GRIA4: variants seen among roughly 807,000 people sequenced by gnomAD.
GRIA4 encodes the protein glutamate ionotropic receptor AMPA type subunit 4, also known as glutamate receptor 4.
A neutral mutation model predicts 104.0 loss-of-function variants in GRIA4; 34 were observed. The observed-to-expected ratio is 0.33, with a 90% confidence interval of 0.25 to 0.44. The LOEUF is 0.44. Among genes scored for constraint, GRIA4 ranks in the 20% least tolerant of loss-of-function variants. The probability of loss-of-function intolerance (pLI) is 1.00; values close to 1 mark genes in which losing one functional copy is unlikely to be tolerated. For missense variants in GRIA4, 750 were observed against 1,096.5 expected (o/e 0.68, Z 4.46); for synonymous variants, 386 against 381.9 (o/e 1.01, Z -0.13).
chr11:105,686,919 T>C (rs1952901376), intron 3 of GRIA4, among the ~76,000 whole-genome samples: 1 of 152,174 alleles, frequency 6.6e-6, no homozygotes, highest in Non-Finnish European at 1.5e-5. Context: ...TTTAATGGAG[T>C]TATTTATTGA....
chr11:105,856,617 C>T (rs1023431116), intron 4 of GRIA4, among the ~76,000 whole-genome samples: 4 of 152,074 alleles, frequency 2.6e-5, no homozygotes, highest in Non-Finnish European at 5.9e-5. Flanking sequence ...TTCTGACTGT[C>T]CATAGGTCCA....
intron 5 of GRIA4, among the ~76,000 whole-genome samples, chr11:105,878,578 C>G (rs555150198): frequency 6.6e-6 from 1 of 152,368 alleles, no homozygotes; most frequent in East Asian, 1.9e-4. Context: ...AAGCTCATGA[C>G]TGGCACTGCT....
chr11:105,725,775 C>T (rs1311877456), intron 3 of GRIA4, among the ~76,000 whole-genome samples: 1 of 152,094 alleles, frequency 6.6e-6, no homozygotes, highest in African/African-American at 2.4e-5. Flanking sequence ...CATCACCTCA[C>T]CCGGGAAGCA....
At chr11:105,891,018 A>T (rs941378742) in intron 6 of GRIA4, among the ~76,000 whole-genome samples, 1 of 152,220 alleles carries the variant, frequency 6.6e-6, no homozygotes, top group Non-Finnish European at 1.5e-5. Flanking sequence ...TTCCCAGAGA[A>T]GTAGAGGCAG....
At chr11:105,768,885 AT>A (rs1317937843) in intron 4 of GRIA4, among the ~76,000 whole-genome samples, 2 of 152,122 alleles carry the variant, frequency 1.3e-5, no homozygotes, top group Non-Finnish European at 2.9e-5. Context: ...AAGACCCCAT[AT>A]CAGATTTGAG....
At chr11:105,684,017 G>C (rs1233114376) in intron 3 of GRIA4, among the ~76,000 whole-genome samples, 3 of 151,986 alleles carry the variant, frequency 2.0e-5, no homozygotes, top group African/African-American at 4.8e-5. Context: ...TGGGATTACA[G>C]GCATGCACCA....
At position 105,714,173 on chromosome 11, in the gene GRIA4, TTGA is replaced by T. The variant is rs1447676410; in HGVS notation, c.248-38802_248-38800del. ...AATTAATGGTTTTGCTTCTCAAAAC[TTGA>T]TGATGTCAAGACTGTTTAGTAATTT... is the stretch of plus-strand genomic sequence containing the variant. On this transcript the variant is annotated intron_variant, in intron 3 of 16. Coordinates refer to ENST00000282499, the MANE Select transcript of GRIA4 (RefSeq NM_000829.4). Among the ~76,000 whole-genome samples, 9 of 152,228 alleles carry T rather than the reference TTGA, an allele frequency of 5.9e-5. No homozygotes were observed. The South Asian group carries it at 1.5e-3, about 25-fold the overall frequency.
Position 105,641,921 on chromosome 11 carries a change from T to C in GRIA4, c.247+29487T>C, listed in dbSNP as rs1951371973. 2.0e-5 allele frequency among the ~76,000 whole-genome samples: 3 copies of C among 152,160 alleles called. No individual in the cohort carries two copies. In the South Asian group the frequency reaches 6.2e-4, roughly 32 times the overall value. The stretch of plus-strand genomic sequence containing the variant: ...AACAGAAATTTATTTTCCACAATTC[T>C]GGAGGCCGAAAGTCTGAGATCAAGG... On this transcript the variant is annotated intron_variant, in intron 3 of 16. Coordinates refer to ENST00000282499, the MANE Select transcript of GRIA4 (RefSeq NM_000829.4).
intron 6 of GRIA4, among the ~76,000 whole-genome samples, chr11:105,896,004 T>C (rs1483551540): frequency 6.6e-6 from 1 of 152,234 alleles, no homozygotes; most frequent in Non-Finnish European, 1.5e-5. Flanking sequence ...CTCCATACTG[T>C]TTTCCATAGG....
chr11:105,908,275 G>A (rs1947113407), intron 9 of GRIA4, among the ~76,000 whole-genome samples: 1 of 152,164 alleles, frequency 6.6e-6, no homozygotes, highest in South Asian at 2.1e-4. Context: ...TGATTTAAAT[G>A]CTTCCATATT....
intron 3 of GRIA4, among the ~76,000 whole-genome samples, chr11:105,712,533 G>C (rs1192068598): frequency 6.6e-6 from 1 of 151,954 alleles, no homozygotes; most frequent in Non-Finnish European, 1.5e-5. Flanking sequence ...CCAAATAAAT[G>C]AAAATTGCAA....
At chr11:105,777,060 C>T (rs943927661) in intron 4 of GRIA4, among the ~76,000 whole-genome samples, 2 of 152,034 alleles carry the variant, frequency 1.3e-5, no homozygotes, top group African/African-American at 4.8e-5. Flanking sequence ...AGCACATAAA[C>T]ACACACACAC....
chr11:105,728,123 G>C (rs1387410696), intron 3 of GRIA4, among the ~76,000 whole-genome samples: 1 of 152,186 alleles, frequency 6.6e-6, no homozygotes, highest in African/African-American at 2.4e-5. Context: ...CTGTATTCAG[G>C]AGACCCATGT....
intron 3 of GRIA4, among the ~76,000 whole-genome samples, chr11:105,655,604 T>A (rs1951820645): frequency 1.3e-5 from 2 of 152,086 alleles, no homozygotes; most frequent in African/African-American, 4.8e-5. Context: ...TATTCCTGTG[T>A]TAGTTTGCTG....
chr11:105,659,773 G>T (rs1449235451), intron 3 of GRIA4, among the ~76,000 whole-genome samples: 1 of 151,710 alleles, frequency 6.6e-6, no homozygotes, highest in Non-Finnish European at 1.5e-5. Context: ...GTAGACACCA[G>T]ACTTTTCAGG....
At position 105,921,129 on chromosome 11, in the gene GRIA4, G is replaced by T. The variant is rs144986657; in HGVS notation, c.1476+2211G>T. On this transcript the variant is annotated intron_variant, in intron 11 of 16. Transcript: ENST00000282499. The stretch of plus-strand genomic sequence containing the variant: ...TTTGTTGCTATAATTGTAATGAACA[G>T]ATTGTCTGTGAGGCATTTACATGTT... Among the ~76,000 whole-genome samples, 671 of 152,252 alleles carry T rather than the reference G, an allele frequency of 4.4e-3. 2 individuals carry two copies. The highest frequency in any genetic ancestry group is 6.8e-3 in the Middle Eastern group (2 of 294).
Position 105,828,094 on chromosome 11 carries a change from C to T in GRIA4, c.488-33930C>T, listed in dbSNP as rs531060627. Among the ~76,000 whole-genome samples, 6 of 152,044 alleles carry T rather than the reference C, an allele frequency of 3.9e-5. No individual in the cohort carries two copies. In the East Asian group the frequency reaches 1.2e-3, roughly 30 times the overall value. ...AAAGATAGGTCCACAAGATCTTATT[C>T]CAATCTGACAATTGACATCACAATG... is the stretch of plus-strand genomic sequence containing the variant. On this transcript the variant is annotated intron_variant, in intron 4 of 16. Transcript: ENST00000282499.
At chr11:105,701,613 T>C (rs1006633514) in intron 3 of GRIA4, among the ~76,000 whole-genome samples, 26 of 152,300 alleles carry the variant, frequency 1.7e-4, no homozygotes, top group Admixed American at 1.2e-3. Flanking sequence ...GCTGTTACTT[T>C]CAGGAGGTGT....
chr11:105,898,473 T>G (rs1946740072), intron 7 of GRIA4, 46 bp downstream of exon 7: 1 of 1,160,128 alleles, frequency 8.6e-7, no homozygotes, highest in Admixed American at 2.2e-5. Flanking sequence ...GTTTCAAAAT[T>G]TAAGATGAAA....
Sources: gnomAD v4.1 joint callset for allele counts (sites outside exome capture counted in the v4.1 genomes callset) on GRCh38, gnomAD v4.1.1 for gene constraint, MANE v1.5 for transcripts, NCBI Gene and HGNC (gene_info 2026-07-23, HGNC 2026-07-21) for gene names.